Variants in RAB38 observed in about 807,000 individuals in gnomAD.
RAB38 encodes the protein ras-related protein Rab-38.
A neutral mutation model predicts 18.4 loss-of-function variants in RAB38; 15 were observed. That is an observed-to-expected ratio of 0.82 (90% CI 0.55 to 1.26). RAB38 has a LOEUF of 1.26. Ranked by LOEUF, RAB38 falls within the 50% of genes most tolerant of loss-of-function variation. RAB38 has a pLI of 0.00. For synonymous variants in RAB38, 101 were observed against 104.4 expected (o/e 0.97, Z 0.20); for missense variants, 294 against 267.4 (o/e 1.10, Z -0.69).
the RAB38 span, among the ~76,000 whole-genome samples, chr11:87,878,025 T>G: frequency 2.6e-5 from 4 of 151,036 alleles, no homozygotes; most frequent in African/African-American, 9.7e-5. Flanking sequence ...CTATTTTGTA[T>G]GTAGGGAAAC....
the RAB38 span, among the ~76,000 whole-genome samples, chr11:87,821,912 T>C: frequency 6.6e-6 from 1 of 151,612 alleles, no homozygotes; most frequent in Non-Finnish European, 1.5e-5. Flanking sequence ...AAATACATTA[T>C]AATAATATTA....
the RAB38 span, among the ~76,000 whole-genome samples, chr11:88,046,093 C>T: frequency 3.6e-4 from 55 of 152,148 alleles, 1 homozygote; most frequent in Non-Finnish European, 7.1e-4. Context: ...TAGGACACCT[C>T]TACTCCCTCC....
chr11:87,863,351 C>G, the RAB38 span, among the ~76,000 whole-genome samples: 1 of 151,736 alleles, frequency 6.6e-6, no homozygotes, highest in East Asian at 1.9e-4. Context: ...AAGTACCCAA[C>G]TTATGGCAAA....
chr11:87,852,546 C>A, the RAB38 span, among the ~76,000 whole-genome samples: 1 of 152,088 alleles, frequency 6.6e-6, no homozygotes, highest in East Asian at 1.9e-4. Context: ...TAGTAAAAGG[C>A]CCCGAATTGA....
At chr11:87,938,089 G>T in the RAB38 span, among the ~76,000 whole-genome samples, 2 of 151,832 alleles carry the variant, frequency 1.3e-5, no homozygotes, top group African/African-American at 4.8e-5. Context: ...GTTTTAGCTC[G>T]CTTTCTCTGT....
chr11:88,158,298 C>G (rs1057311607), intron 1 of RAB38, among the ~76,000 whole-genome samples: 1 of 151,868 alleles, frequency 6.6e-6, no homozygotes, highest in Non-Finnish European at 1.5e-5. Context: ...AGAAACCTAC[C>G]AACCAAAAAG....
intron 2 of RAB38, among the ~76,000 whole-genome samples, chr11:88,147,493 C>G (rs1403771409): frequency 6.7e-6 from 1 of 150,046 alleles, no homozygotes; most frequent in East Asian, 2.0e-4. Flanking sequence ...TGAAGGAACA[C>G]GCAGCAACTT....
At chr11:88,096,878 T>C in the RAB38 span, among the ~76,000 whole-genome samples, 1 of 151,672 alleles carries the variant, frequency 6.6e-6, no homozygotes, top group African/African-American at 2.4e-5. Context: ...AGAGTAAATA[T>C]TTCAGTGGTG....
At chr11:88,006,617 TG>T in the RAB38 span, among the ~76,000 whole-genome samples, 1 of 99,140 alleles carries the variant, frequency 1.0e-5, no homozygotes, top group Non-Finnish European at 2.1e-5. Context: ...ATTATATATA[TG>T]TATATATAAT....
chr11:87,838,114 T>TTTA, the RAB38 span, among the ~76,000 whole-genome samples: 6 of 124,858 alleles, frequency 4.8e-5, no homozygotes, highest in Admixed American at 1.8e-4. Context: ...TTTATTTTTA[T>TTTA]TTTTATTTTT....
At chr11:87,804,032 T>C in the RAB38 span, among the ~76,000 whole-genome samples, 1 of 152,224 alleles carries the variant, frequency 6.6e-6, no homozygotes, top group Non-Finnish European at 1.5e-5. Flanking sequence ...TTTTTCACTC[T>C]GATGCAACTT....
At chr11:88,073,310 T>C in the RAB38 span, among the ~76,000 whole-genome samples, 1 of 151,992 alleles carries the variant, frequency 6.6e-6, no homozygotes, top group African/African-American at 2.4e-5. Flanking sequence ...CTACAGGAAG[T>C]TTGTTCCACA....
chr11:87,830,564 C>T, the RAB38 span, among the ~76,000 whole-genome samples: 1 of 151,850 alleles, frequency 6.6e-6, no homozygotes, highest in African/African-American at 2.4e-5. Flanking sequence ...TAAAGCCTTA[C>T]ATGAATTACC....
chr11:87,841,540 C>T, the RAB38 span, among the ~76,000 whole-genome samples: 1 of 152,204 alleles, frequency 6.6e-6, no homozygotes, highest in African/African-American at 2.4e-5. Flanking sequence ...TACCACTTAT[C>T]TGCTGGTATC....
At chr11:88,109,919 G>A (rs966529730), downstream of RAB38, among the ~76,000 whole-genome samples, 3 of 152,188 alleles carry the variant, frequency 2.0e-5, no homozygotes, top group Admixed American at 6.5e-5. Flanking sequence ...CACTGTTGGT[G>A]GGAGTGTAAA....
chr11:87,971,860 G>C, the RAB38 span, among the ~76,000 whole-genome samples: 1 of 151,642 alleles, frequency 6.6e-6, no homozygotes, highest in African/African-American at 2.4e-5. Flanking sequence ...GAATGTAGTA[G>C]ACAGAATGCA....
chr11:88,063,404 C>T, the RAB38 span, among the ~76,000 whole-genome samples: 1 of 152,026 alleles, frequency 6.6e-6, no homozygotes, highest in South Asian at 2.1e-4. Context: ...AAGGAAGGTA[C>T]CATTCCTACA....
chr11:88,135,044 C>T (rs1046350838), intron 2 of RAB38, among the ~76,000 whole-genome samples: 1 of 152,130 alleles, frequency 6.6e-6, no homozygotes, highest in African/African-American at 2.4e-5. Context: ...CGACCATTTT[C>T]TTTCCGTGAT....
chr11:88,053,342 AATAT>A, the RAB38 span, among the ~76,000 whole-genome samples: 1 of 26,664 alleles, frequency 3.8e-5, no homozygotes, highest in African/African-American at 8.0e-5. Flanking sequence ...ATATATATGG[AATAT>A]ATATATACAC....
Sources: gnomAD v4.1 joint callset for allele counts (sites outside exome capture counted in the v4.1 genomes callset) on GRCh38, gnomAD v4.1.1 for gene constraint, MANE v1.5 for transcripts, NCBI Gene and HGNC (gene_info 2026-07-23, HGNC 2026-07-21) for gene names.